KLRD1: variants seen among roughly 807,000 people sequenced by gnomAD.
The protein encoded by KLRD1 is killer cell lectin like receptor D1.
A neutral mutation model predicts 22.6 loss-of-function variants in KLRD1; 21 were observed. The ratio of observed to expected loss-of-function variants is 0.93; its 90% CI spans 0.66 to 1.34. KLRD1 has a LOEUF of 1.34. Ranked by LOEUF, KLRD1 falls within the 40% of genes most tolerant of loss-of-function variation. KLRD1 has a pLI of 0.00. For synonymous variants in KLRD1, 59 were observed against 71.1 expected (o/e 0.83, Z 0.85); for missense variants, 183 against 208.6 (o/e 0.88, Z 0.76).
At position 10,326,972 on chromosome 12, in the gene KLRD1, A is replaced by T. The variant is rs1416953011; in HGVS notation, c.*12179A>T. The T allele has an allele frequency of 6.6e-6, 1 of 152,178 alleles. No homozygotes were observed. Among genetic ancestry groups the T allele is most frequent in the Non-Finnish European group, 1.5e-5 (1 of 68,036 alleles). The allele number at this position is 152,178 out of a possible 1,614,324, so 9.4% of individuals were successfully genotyped here. On this transcript the variant is annotated 3_prime_UTR_variant, in exon 6 of 6. Coordinates refer to ENST00000336164, the MANE Select transcript of KLRD1 (RefSeq NM_002262.5). ...CTGTGCTTTTGGTGTCAGATTGATGATATCATTGCCAAAACCAATGTCAAA... is the reference window on the plus strand; with the variant it reads ...CTGTGCTTTTGGTGTCAGATTGATGTTATCATTGCCAAAACCAATGTCAAA...
chr12:10,243,160 G>C (rs376815264), intron 1 of KLRD1, among the ~76,000 whole-genome samples: 2 of 152,168 alleles, frequency 1.3e-5, no homozygotes, highest in African/African-American at 4.8e-5. Context: ...CAAAATTCCA[G>C]TTTAGGCAAT....
At chr12:10,245,757 A>G (rs1467477055) in intron 1 of KLRD1, among the ~76,000 whole-genome samples, 3 of 152,142 alleles carry the variant, frequency 2.0e-5, no homozygotes, top group Non-Finnish European at 4.4e-5. Flanking sequence ...CATGCTTTCA[A>G]TGTGTACTTT....
intron 1 of KLRD1, among the ~76,000 whole-genome samples, chr12:10,282,785 G>T (rs549501206): frequency 1.3e-5 from 2 of 152,240 alleles, no homozygotes; most frequent in Admixed American, 6.5e-5. Flanking sequence ...AATGAGCGAC[G>T]TTTGACGTAG....
At chr12:10,247,369 A>T (rs1037876899) in intron 1 of KLRD1, among the ~76,000 whole-genome samples, 1 of 151,984 alleles carries the variant, frequency 6.6e-6, no homozygotes, top group African/African-American at 2.4e-5. Context: ...TTTATAATTT[A>T]TTTTTTTCAA....
chr12:10,301,325 T>C (rs1949864401), upstream of KLRD1, among the ~76,000 whole-genome samples: 1 of 152,194 alleles, frequency 6.6e-6, no homozygotes, highest in Non-Finnish European at 1.5e-5. Flanking sequence ...CTTTAGGTTC[T>C]GCATACCAAC....
chr12:10,274,164 C>T (rs1310693064), intron 1 of KLRD1, among the ~76,000 whole-genome samples: 1 of 152,146 alleles, frequency 6.6e-6, no homozygotes, highest in East Asian at 1.9e-4. Flanking sequence ...CCTTTAATCC[C>T]AGCTACTCAG....
upstream of KLRD1, among the ~76,000 whole-genome samples, chr12:10,299,752 TGAAA>T (rs1471446945): frequency 7.9e-5 from 12 of 152,176 alleles, no homozygotes; most frequent in Non-Finnish European, 1.8e-4. Flanking sequence ...CTTTTTTTAA[TGAAA>T]GATTCTCTGT....
chr12:10,277,854 T>G (rs1422897637), intron 1 of KLRD1, among the ~76,000 whole-genome samples: 2 of 152,250 alleles, frequency 1.3e-5, no homozygotes, highest in Non-Finnish European at 2.9e-5. Context: ...AACAGCTTAA[T>G]TCCAACTGGT....
intron 1 of KLRD1, among the ~76,000 whole-genome samples, chr12:10,255,360 GTATT>G (rs1476576879): frequency 2.0e-5 from 3 of 152,034 alleles, no homozygotes; most frequent in East Asian, 3.8e-4. Flanking sequence ...ATACCTTCTA[GTATT>G]TATTGTTCAT....
intron 1 of KLRD1, among the ~76,000 whole-genome samples, chr12:10,240,928 T>C (rs1030923797): frequency 1.3e-5 from 2 of 152,214 alleles, no homozygotes; most frequent in African/African-American, 4.8e-5. Context: ...ATTTGCTGAT[T>C]GCACCTCCGT....
At chr12:10,272,400 T>C (rs1187356903) in intron 1 of KLRD1, among the ~76,000 whole-genome samples, 8 of 152,158 alleles carry the variant, frequency 5.3e-5, no homozygotes, top group Non-Finnish European at 7.4e-5. Context: ...AATTAGAAAA[T>C]CCTGAACTCA....
chr12:10,307,623 AAG>A (rs1241907703), upstream of KLRD1, among the ~76,000 whole-genome samples: 3 of 152,214 alleles, frequency 2.0e-5, no homozygotes, highest in African/African-American at 7.2e-5. Flanking sequence ...AAAATTCTGT[AAG>A]TAATTTTGTT....
intron 1 of KLRD1, among the ~76,000 whole-genome samples, chr12:10,254,291 G>A (rs143681209): frequency 0.8 from 121,068 of 151,126 alleles, 53,079 homozygotes; most frequent in Non-Finnish European, 0.98. Flanking sequence ...AGCAGGGCGC[G>A]GTGGAGGGCG....
chr12:10,258,440 T>C (rs138662411), intron 1 of KLRD1, among the ~76,000 whole-genome samples: 1 of 152,236 alleles, frequency 6.6e-6, no homozygotes, highest in East Asian at 1.9e-4. Context: ...CCAGCCACAT[T>C]GGGATGGGAG....
chr12:10,307,838 C>A, upstream of KLRD1: 1 of 458,526 alleles, frequency 2.2e-6, no homozygotes, highest in Non-Finnish European at 3.9e-6. Flanking sequence ...GTTCCTGGAA[C>A]ACTTCAGAGG....
intron 1 of KLRD1, among the ~76,000 whole-genome samples, chr12:10,298,089 C>T (rs1324030354): frequency 6.6e-6 from 1 of 152,134 alleles, no homozygotes; most frequent in African/African-American, 2.4e-5. Flanking sequence ...TCTTATTTTG[C>T]ATCTAATAGT....
upstream of KLRD1, among the ~76,000 whole-genome samples, chr12:10,299,570 T>TA (rs145538077): frequency 3.9e-3 from 593 of 152,270 alleles, 19 homozygotes; most frequent in East Asian, 0.067. Flanking sequence ...CTGTTATTGC[T>TA]AAAAAAATGC....
At position 10,273,830 on chromosome 12, in the gene KLRD1, G is replaced by T. The variant is rs530613296; in HGVS notation, c.-100-34148G>T. ...ACGTACATTCAAAAGAAGTTATAAG[G>T]GTGGGTGGAGTGGGGGAGAGATGTA... is the stretch of plus-strand genomic sequence containing the variant. On this transcript the variant is annotated intron_variant, in intron 1 of 5. Transcript: ENST00000544747. Among the ~76,000 whole-genome samples, 4 of 152,198 alleles carry T rather than the reference G, an allele frequency of 2.6e-5. No individual in the cohort carries two copies. The South Asian group carries it at 6.2e-4, about 24-fold the overall frequency.
At chr12:10,301,268 T>TA (rs1167100095), upstream of KLRD1, among the ~76,000 whole-genome samples, 5 of 152,184 alleles carry the variant, frequency 3.3e-5, no homozygotes, top group Non-Finnish European at 7.3e-5. Flanking sequence ...GTTCCATAGA[T>TA]AAAATCTAAG....
Sources: gnomAD v4.1 joint callset for allele counts (sites outside exome capture counted in the v4.1 genomes callset) on GRCh38, gnomAD v4.1.1 for gene constraint, MANE v1.5 for transcripts, NCBI Gene and HGNC (gene_info 2026-07-23, HGNC 2026-07-21) for gene names.